The following EPDR1 variants were observed in gnomAD, a reference collection of about 807,000 sequenced individuals.
EPDR1 encodes the protein ependymin related 1.
A neutral mutation model predicts 23.7 loss-of-function variants in EPDR1; 27 were observed. The observed-to-expected ratio is 1.14, with a 90% CI of 0.84 to 1.57. The LOEUF (loss-of-function observed/expected upper bound fraction) is 1.57, where lower values mean the gene tolerates loss of function less well. Ranked by LOEUF, EPDR1 falls within the 40% of genes most tolerant of loss-of-function variation. The pLI, the probability that EPDR1 is intolerant of heterozygous loss-of-function variation, is 0.00. For synonymous variants in EPDR1, 137 were observed against 118.2 expected, an observed-to-expected ratio of 1.16 and a Z score of -1.03; for missense variants, 349 against 290.4, an observed-to-expected ratio of 1.20 and a Z score of -1.47.
rs764329308 is a variant in EPDR1 at position 37,920,894 on chromosome 7, C to A, written c.-46C>A. 1 of 1,611,578 alleles carries A rather than the reference C, an allele frequency of 6.2e-7. No homozygotes were observed. The highest frequency in any genetic ancestry group is 8.5e-7 in the Non-Finnish European group (1 of 1,179,286). ...ACTCTGATCCCGGACGCCTCAGCGC[C>A]CCCTTGGGCTTGGGCTTGCCCTCGG... On this transcript the variant is annotated 5_prime_UTR_variant, in exon 1 of 3. Coordinates refer to ENST00000199448, the MANE Select transcript of EPDR1 (RefSeq NM_017549.5).
intron 1 of EPDR1, among the ~76,000 whole-genome samples, chr7:37,933,225 A>C (rs2598108): frequency 0.33 from 49,848 of 152,208 alleles, 8,476 homozygotes; most frequent in South Asian, 0.46. Flanking sequence ...GCCGGCATGC[A>C]TTACTAATCT....
At chr7:37,930,566 T>TCA (rs1785915901) in intron 1 of EPDR1, among the ~76,000 whole-genome samples, 1 of 152,172 alleles carries the variant, frequency 6.6e-6, no homozygotes, top group Non-Finnish European at 1.5e-5. Context: ...CTGTCCCTTG[T>TCA]CACACACCCT....
At chr7:37,922,022 A>C in intron 1 of EPDR1, among the ~76,000 whole-genome samples, 1 of 152,240 alleles carries the variant, frequency 6.6e-6, no homozygotes, top group African/African-American at 2.4e-5. Flanking sequence ...TTGAGATGTC[A>C]TCTCGCTTGT....
chr7:37,931,024 T>G (rs1327434285), intron 1 of EPDR1, among the ~76,000 whole-genome samples: 1 of 151,622 alleles, frequency 6.6e-6, no homozygotes, highest in East Asian at 1.9e-4. Context: ...TTATTTCAAT[T>G]CATGTTTTAG....
At chr7:37,937,799 G>A (rs1786084556) in intron 1 of EPDR1, among the ~76,000 whole-genome samples, 1 of 151,888 alleles carries the variant, frequency 6.6e-6, no homozygotes, top group African/African-American at 2.4e-5. Context: ...TAGGAAAATA[G>A]AATTAAAAGA....
rs74596148 is a variant in EPDR1 at position 37,927,243 on chromosome 7, A to T, written c.269+6035A>T. Among the ~76,000 whole-genome samples the T allele has an allele frequency of 7.3e-3, 1,118 of 152,306 alleles. 13 individuals are homozygous for T. The highest frequency in any genetic ancestry group is 0.011 in the Non-Finnish European group (719 of 68,020). On this transcript the variant is annotated intron_variant, in intron 1 of 2. Coordinates refer to ENST00000199448, the MANE Select transcript of EPDR1 (RefSeq NM_017549.5). ...AGGGGTGTTAAGTTTGAATACACAC[A>T]TCCCTCCCCACACACACTCATACAT...
intron 1 of EPDR1, among the ~76,000 whole-genome samples, chr7:37,922,670 G>GA (rs1554372861): frequency 6.6e-6 from 1 of 151,114 alleles, no homozygotes; most frequent in African/African-American, 2.5e-5. Flanking sequence ...GAAGCTAGGG[G>GA]GGGGTTCTGA....
At chr7:37,922,421 A>G (rs1415894491) in intron 1 of EPDR1, among the ~76,000 whole-genome samples, 1 of 152,234 alleles carries the variant, frequency 6.6e-6, no homozygotes, top group African/African-American at 2.4e-5. Context: ...AAGTCTTTCA[A>G]GAACATGAAT....
chr7:37,945,518 C>T (rs529676549), intron 1 of EPDR1, among the ~76,000 whole-genome samples: 6 of 152,242 alleles, frequency 3.9e-5, no homozygotes, highest in South Asian at 2.1e-4. Context: ...TTCATAATGA[C>T]GTTTCAGTCA....
At chr7:37,928,633 T>C (rs967490183) in intron 1 of EPDR1, among the ~76,000 whole-genome samples, 8 of 152,220 alleles carry the variant, frequency 5.3e-5, no homozygotes, top group Non-Finnish European at 1.2e-4. Flanking sequence ...TTCCCCAATC[T>C]TGATGCACTG....
At chr7:37,942,855 G>A (rs1786196937) in intron 1 of EPDR1, among the ~76,000 whole-genome samples, 1 of 152,170 alleles carries the variant, frequency 6.6e-6, no homozygotes, top group Admixed American at 6.5e-5. Context: ...GGTGATTCGA[G>A]AGCCTACTTT....
At chr7:37,922,561 T>C (rs1463361519) in intron 1 of EPDR1, among the ~76,000 whole-genome samples, 1 of 152,094 alleles carries the variant, frequency 6.6e-6, no homozygotes, top group South Asian at 2.1e-4. Context: ...TCACAATAAC[T>C]TGACAGTATA....
chr7:37,944,871 A>G (rs968252553), intron 1 of EPDR1, among the ~76,000 whole-genome samples: 2 of 152,194 alleles, frequency 1.3e-5, no homozygotes, highest in Non-Finnish European at 2.9e-5. Flanking sequence ...TCTCCTGCAC[A>G]TGGCTACATA....
rs755117989 is a variant in EPDR1 at position 37,920,678 on chromosome 7, A to T, written c.-262A>T. The T allele has an allele frequency of 1.3e-6, 2 of 1,584,440 alleles. No homozygotes were observed. Among genetic ancestry groups the T allele is most frequent in the African/African-American group, 2.7e-5 (2 of 74,348 alleles). ...GCGGCAGAAGGCAGTGGCAGCAGGC[A>T]GTGGCAGCAGGCAGTGGCCCAGGCA... On this transcript the variant is annotated 5_prime_UTR_variant, in exon 1 of 3. Coordinates refer to ENST00000199448, the MANE Select transcript of EPDR1 (RefSeq NM_017549.5).
At chr7:37,930,271 A>G (rs1785908048) in intron 1 of EPDR1, among the ~76,000 whole-genome samples, 1 of 152,210 alleles carries the variant, frequency 6.6e-6, no homozygotes, top group Admixed American at 6.5e-5. Flanking sequence ...ACGCTGCTCC[A>G]GAGCATCTCA....
chr7:37,921,993 G>A (rs1171296727), intron 1 of EPDR1, among the ~76,000 whole-genome samples: 1 of 152,082 alleles, frequency 6.6e-6, no homozygotes, highest in African/African-American at 2.4e-5. Flanking sequence ...CATCTGTTGT[G>A]ACAAAGGAAA....
intron 1 of EPDR1, among the ~76,000 whole-genome samples, chr7:37,929,851 G>A (rs1236111710): frequency 6.6e-6 from 1 of 152,186 alleles, no homozygotes; most frequent in Non-Finnish European, 1.5e-5. Context: ...ACTGTCTTCA[G>A]TGTCTCTCTT....
chr7:37,920,660 A>AAGGCAGTGGCAGC lies in EPDR1; in HGVS notation c.-256_-244dup, dbSNP rs76859517. On this transcript the variant is annotated 5_prime_UTR_variant, in exon 1 of 3. Transcript: ENST00000199448. ...TGAGCAGTGAAAACCGAAGCGGCAG[A>AAGGCAGTGGCAGC]AGGCAGTGGCAGCAGGCAGTGGCAG... 53 of 1,583,608 alleles carry AAGGCAGTGGCAGC rather than the reference A, an allele frequency of 3.3e-5. No homozygotes were observed. Among genetic ancestry groups the AAGGCAGTGGCAGC allele is most frequent in the East Asian group, 9.4e-5 (4 of 42,334 alleles).
At chr7:37,924,274 A>T (rs1304195214) in intron 1 of EPDR1, among the ~76,000 whole-genome samples, 5 of 152,236 alleles carry the variant, frequency 3.3e-5, no homozygotes, top group Non-Finnish European at 5.9e-5. Context: ...CTGTATGCTC[A>T]ATGTGGAGTT....
Sources: gnomAD v4.1 joint callset for allele counts (sites outside exome capture counted in the v4.1 genomes callset) on GRCh38, gnomAD v4.1.1 for gene constraint, MANE v1.5 for transcripts, NCBI Gene and HGNC (gene_info 2026-07-23, HGNC 2026-07-21) for gene names.